BMAL1: variants seen among roughly 807,000 people sequenced by gnomAD.
The protein encoded by BMAL1 is basic helix-loop-helix ARNT like 1, also known as basic helix-loop-helix ARNT-like protein 1.
the BMAL1 span, among the ~76,000 whole-genome samples, chr11:13,359,714 G>A: frequency 6.6e-6 from 1 of 152,076 alleles, no homozygotes; most frequent in African/African-American, 2.4e-5. Context: ...ATTTTTCTCT[G>A]TTAAGTGATT....
the BMAL1 span, among the ~76,000 whole-genome samples, chr11:13,347,793 T>C: frequency 1.2e-3 from 188 of 152,212 alleles, no homozygotes; most frequent in Middle Eastern, 0.017. Context: ...GAGATTGCAG[T>C]GAGCCGAGAT....
the BMAL1 span, among the ~76,000 whole-genome samples, chr11:13,369,050 T>G: frequency 6.6e-6 from 1 of 152,240 alleles, no homozygotes; most frequent in African/African-American, 2.4e-5. Context: ...AGCTAGTGGC[T>G]AATGCATTGG....
the BMAL1 span, among the ~76,000 whole-genome samples, chr11:13,342,455 G>GC: frequency 6.6e-6 from 1 of 152,158 alleles, no homozygotes; most frequent in Non-Finnish European, 1.5e-5. Context: ...CCCCTAGTGT[G>GC]CCCCATGGAA....
At chr11:13,355,390 C>A in the BMAL1 span, 2 of 1,216,856 alleles carry the variant, frequency 1.6e-6, no homozygotes, top group South Asian at 2.4e-5. Flanking sequence ...CAGTAACTCC[C>A]CAGCAGAAAG....
At chr11:13,290,549 A>G in the BMAL1 span, among the ~76,000 whole-genome samples, 8 of 141,722 alleles carry the variant, frequency 5.6e-5, no homozygotes, top group East Asian at 1.6e-3. Context: ...TGCCAGCATT[A>G]CAAGTGTATA....
chr11:13,376,695 C>G, the BMAL1 span: 21 of 1,613,966 alleles, frequency 1.3e-5, no homozygotes, highest in East Asian at 6.7e-5. Flanking sequence ...AGCATCCCCC[C>G]ACAGCATGGA....
At chr11:13,299,940 A>T in the BMAL1 span, among the ~76,000 whole-genome samples, 1 of 152,168 alleles carries the variant, frequency 6.6e-6, no homozygotes, top group Non-Finnish European at 1.5e-5. Context: ...ACCAAGCTTG[A>T]CATTGAGTGT....
chr11:13,286,313 A>G, the BMAL1 span, among the ~76,000 whole-genome samples: 1 of 152,102 alleles, frequency 6.6e-6, no homozygotes, highest in Admixed American at 6.5e-5. Flanking sequence ...GGGATTTTTT[A>G]CCTTTATACC....
At chr11:13,379,065 C>T in the BMAL1 span, 1 of 152,066 alleles carries the variant, frequency 6.6e-6, no homozygotes, top group Non-Finnish European at 1.5e-5. Context: ...CTGAGACTTA[C>T]TTAACCTCTT....
the BMAL1 span, among the ~76,000 whole-genome samples, chr11:13,372,735 C>G: frequency 6.6e-6 from 1 of 151,992 alleles, no homozygotes; most frequent in Non-Finnish European, 1.5e-5. Context: ...AGCTGAGCCT[C>G]GGGAGGTCAA....
chr11:13,321,396 C>T, the BMAL1 span, among the ~76,000 whole-genome samples: 1 of 152,130 alleles, frequency 6.6e-6, no homozygotes, highest in African/African-American at 2.4e-5. Context: ...GTGAAATGGG[C>T]TGCCCGTTCT....
chr11:13,340,327 G>A, the BMAL1 span, among the ~76,000 whole-genome samples: 18 of 152,124 alleles, frequency 1.2e-4, no homozygotes, highest in Non-Finnish European at 2.2e-4. Context: ...GCTGGGTTCC[G>A]CTTTTCCTCC....
At chr11:13,336,118 A>G in the BMAL1 span, among the ~76,000 whole-genome samples, 1 of 152,354 alleles carries the variant, frequency 6.6e-6, no homozygotes, top group South Asian at 2.1e-4. Flanking sequence ...GTCCTTTTAC[A>G]TAAGGATATG....
chr11:13,354,309 A>G, the BMAL1 span: 45 of 1,604,048 alleles, frequency 2.8e-5, no homozygotes, highest in Non-Finnish European at 3.6e-5. Context: ...AGATCATCCA[A>G]TGGCAGACCA....
chr11:13,372,315 G>A, the BMAL1 span: 4 of 1,614,210 alleles, frequency 2.5e-6, no homozygotes, highest in African/African-American at 4.0e-5. Flanking sequence ...TTCTCATGTA[G>A]TTCCACAACC....
chr11:13,353,481 C>CA, the BMAL1 span: 1 of 152,312 alleles, frequency 6.6e-6, no homozygotes, highest in South Asian at 2.1e-4. Context: ...AAGGAACTTG[C>CA]ATTTATTTGT....
chr11:13,354,217 C>A, the BMAL1 span: 9 of 1,198,436 alleles, frequency 7.5e-6, no homozygotes, highest in South Asian at 1.4e-5. Flanking sequence ...ACCACCAAAC[C>A]CCCAAGCACC....
At chr11:13,366,380 C>T in the BMAL1 span, among the ~76,000 whole-genome samples, 1 of 152,150 alleles carries the variant, frequency 6.6e-6, no homozygotes, top group Admixed American at 6.5e-5. Flanking sequence ...TATCTTCTGC[C>T]TTCTGAGGTC....
At chr11:13,325,292 G>T in the BMAL1 span, among the ~76,000 whole-genome samples, 1 of 152,190 alleles carries the variant, frequency 6.6e-6, no homozygotes, top group African/African-American at 2.4e-5. Context: ...TAGTCAAGAT[G>T]GTGGTGTCAG....
Sources: allele counts gnomAD v4.1 joint callset (sites outside exome capture counted in the v4.1 genomes callset), GRCh38; gene constraint gnomAD v4.1.1; transcripts MANE v1.5; gene names NCBI Gene and HGNC (gene_info 2026-07-23, HGNC 2026-07-21).